Variants in LARGE1 observed in about 807,000 individuals in gnomAD.
LARGE1 encodes the protein LARGE xylosyl- and glucuronyltransferase 1.
LARGE1 carries 43 observed loss-of-function variants against 87.6 expected under a neutral mutation model. The observed-to-expected ratio is 0.49, with a 90% confidence interval of 0.38 to 0.63. The LOEUF is 0.63. LARGE1 is among the 30% of genes least tolerant of loss of function. LARGE1 has a pLI of 0.00. For missense variants in LARGE1, 802 were observed against 1,000.2 expected, an observed-to-expected ratio of 0.80 and a Z score of 2.67; for synonymous variants, 434 against 394.6, an observed-to-expected ratio of 1.10 and a Z score of -1.18.
At chr22:33,435,383 T>C (rs779000410) in intron 6 of LARGE1, among the ~76,000 whole-genome samples, 2 of 152,208 alleles carry the variant, frequency 1.3e-5, no homozygotes, top group African/African-American at 2.4e-5. Flanking sequence ...AGACCTCATT[T>C]ATAAATAACC....
At chr22:33,542,177 A>AG (rs1490272307) in intron 6 of LARGE1, among the ~76,000 whole-genome samples, 1 of 151,710 alleles carries the variant, frequency 6.6e-6, no homozygotes, top group Non-Finnish European at 1.5e-5. Context: ...AAAAAAAAAA[A>AG]AAAAAAGAAT....
At chr22:33,602,110 G>C (rs2079128292) in intron 5 of LARGE1, among the ~76,000 whole-genome samples, 1 of 152,178 alleles carries the variant, frequency 6.6e-6, no homozygotes, top group African/African-American at 2.4e-5. Flanking sequence ...GCATTTTTAA[G>C]AAGCTGTCAT....
chr22:33,584,204 A>G (rs565347491), intron 5 of LARGE1, among the ~76,000 whole-genome samples: 1 of 152,320 alleles, frequency 6.6e-6, no homozygotes, highest in African/African-American at 2.4e-5. Flanking sequence ...GCTTGGGAAA[A>G]AGTATTCTCT....
intron 1 of LARGE1, among the ~76,000 whole-genome samples, chr22:33,809,922 A>G (rs978709350): frequency 8.6e-5 from 13 of 152,036 alleles, no homozygotes; most frequent in Non-Finnish European, 1.8e-4. Context: ...TTCACTTTTT[A>G]GATGTAATAA....
chr22:33,466,370 CCTCTCTCTCT>C (rs145185909), intron 6 of LARGE1, among the ~76,000 whole-genome samples: 1 of 144,512 alleles, frequency 6.9e-6, no homozygotes, highest in South Asian at 2.2e-4. Context: ...TTTTCTCTTG[CCTCTCTCTCT>C]CTCTCTCTCT....
rs182204945 is a variant in LARGE1, at chr22:33,795,399, C to T, written c.-82-33841G>A. Among the ~76,000 whole-genome samples, 99 of 152,102 alleles carry T rather than the reference C, an allele frequency of 6.5e-4. 1 individual carries two copies. Among genetic ancestry groups the T allele is most frequent in the Non-Finnish European group, 4.9e-4 (33 of 68,004 alleles). On this transcript the variant is annotated intron_variant, in intron 1 of 14. Transcript: ENST00000397394. ...AACCATGACTATATATACACATTAA[C>T]GGATCTATGTATAAGAAGTTTTAGG...
intron 11 of LARGE1, among the ~76,000 whole-genome samples, chr22:33,258,797 T>A (rs1224989122): frequency 1.3e-5 from 2 of 152,176 alleles, no homozygotes; most frequent in Non-Finnish European, 2.9e-5. Context: ...GGGGTCTGGA[T>A]CGGGACCCCT....
At chr22:33,884,287 C>T (rs1487382588) in intron 1 of LARGE1, among the ~76,000 whole-genome samples, 3 of 152,180 alleles carry the variant, frequency 2.0e-5, no homozygotes, top group Non-Finnish European at 2.9e-5. Context: ...CACTTTAAAG[C>T]GATCATGCGC....
At chr22:33,588,630 C>T (rs1486744262) in intron 5 of LARGE1, among the ~76,000 whole-genome samples, 1 of 152,180 alleles carries the variant, frequency 6.6e-6, no homozygotes, top group East Asian at 1.9e-4. Context: ...TAAGTAATCC[C>T]TGAAACTCAG....
intron 1 of LARGE1, among the ~76,000 whole-genome samples, chr22:33,909,663 C>G (rs979778671): frequency 6.6e-6 from 1 of 152,054 alleles, no homozygotes; most frequent in Non-Finnish European, 1.5e-5. Context: ...CTCAGCCTCC[C>G]GAGTAGCTGG....
chr22:33,838,914 T>C (rs1049245154), intron 1 of LARGE1, among the ~76,000 whole-genome samples: 3 of 152,146 alleles, frequency 2.0e-5, no homozygotes, highest in African/African-American at 7.2e-5. Context: ...ACTACTCCCA[T>C]AATAGAAAAA....
At chr22:33,346,461 C>G (rs1230962717) in intron 9 of LARGE1, among the ~76,000 whole-genome samples, 2 of 152,138 alleles carry the variant, frequency 1.3e-5, no homozygotes, top group Non-Finnish European at 2.9e-5. Context: ...CGCCGCCACG[C>G]CTGGCTATGT....
intron 2 of LARGE1, among the ~76,000 whole-genome samples, chr22:33,747,202 C>T (rs1055056674): frequency 2.6e-5 from 4 of 152,104 alleles, no homozygotes; most frequent in African/African-American, 9.7e-5. Context: ...AAGGACTAAG[C>T]TTCCCGAGGA....
intron 6 of LARGE1, among the ~76,000 whole-genome samples, chr22:33,463,126 T>G (rs907549954): frequency 6.6e-6 from 1 of 151,166 alleles, no homozygotes; most frequent in African/African-American, 2.4e-5. Flanking sequence ...AAGCACAATA[T>G]CAAGTGGCAG....
At chr22:33,583,509 C>T (rs1200615690) in intron 5 of LARGE1, among the ~76,000 whole-genome samples, 6 of 152,088 alleles carry the variant, frequency 3.9e-5, no homozygotes, top group Non-Finnish European at 5.9e-5. Context: ...GCAATCAATG[C>T]CTCTCAAGGT....
At chr22:33,552,865 T>C (rs1378785888) in intron 6 of LARGE1, among the ~76,000 whole-genome samples, 1 of 152,180 alleles carries the variant, frequency 6.6e-6, no homozygotes, top group African/African-American at 2.4e-5. Context: ...AAATACTAGG[T>C]GAATTACATA....
chr22:33,431,864 G>A (rs2067093022), intron 7 of LARGE1, among the ~76,000 whole-genome samples: 1 of 152,200 alleles, frequency 6.6e-6, no homozygotes, highest in Admixed American at 6.5e-5. Context: ...TGTATTAACA[G>A]AGCCAGGGAA....
At chr22:33,292,573 G>A (rs935606552) in intron 12 of LARGE1, among the ~76,000 whole-genome samples, 1 of 152,134 alleles carries the variant, frequency 6.6e-6, no homozygotes, top group Non-Finnish European at 1.5e-5. Context: ...AAAAGGGAGA[G>A]GGGAGAGCAG....
chr22:33,381,465 C>T (rs1392247570), intron 9 of LARGE1, among the ~76,000 whole-genome samples: 2 of 152,170 alleles, frequency 1.3e-5, no homozygotes, highest in Non-Finnish European at 2.9e-5. Flanking sequence ...GACCCACCCA[C>T]ACCTGTCATA....
Sources: gnomAD v4.1 joint callset for allele counts (sites outside exome capture counted in the v4.1 genomes callset) on GRCh38, gnomAD v4.1.1 for gene constraint, MANE v1.5 for transcripts, NCBI Gene and HGNC (gene_info 2026-07-23, HGNC 2026-07-21) for gene names.